PRKCE: variants seen among roughly 807,000 people sequenced by gnomAD.
PRKCE encodes the protein protein kinase C epsilon.
In PRKCE, 16 loss-of-function variants were observed where a neutral mutation model predicts 85.4. The observed-to-expected ratio is 0.19, with a 90% CI of 0.13 to 0.28. PRKCE has a LOEUF of 0.28. PRKCE is among the 10% of genes least tolerant of loss of function. The pLI, the probability that PRKCE is intolerant of heterozygous loss-of-function variation, is 1.00. For synonymous variants in PRKCE, 388 were observed against 371.5 expected, an observed-to-expected ratio of 1.04 and a Z score of -0.51; for missense variants, 573 against 975.2, an observed-to-expected ratio of 0.59 and a Z score of 5.49.
At chr2:46,061,868 T>C (rs1188453738) in intron 10 of PRKCE, among the ~76,000 whole-genome samples, 2 of 145,990 alleles carry the variant, frequency 1.4e-5, no homozygotes, top group East Asian at 1.9e-4. Context: ...TCTTTTTTTT[T>C]TTTTTTTTTG....
At chr2:45,967,242 A>G (rs1701792897) in intron 2 of PRKCE, among the ~76,000 whole-genome samples, 1 of 152,320 alleles carries the variant, frequency 6.6e-6, no homozygotes, top group Non-Finnish European at 1.5e-5. Flanking sequence ...TGCCATGGTC[A>G]TAGGAGGAGA....
In PRKCE at chr2:45,787,099, A is replaced by G. The variant is rs549564949; in HGVS notation, c.349-55901A>G. On this transcript the variant is annotated intron_variant, in intron 1 of 14. Transcript: ENST00000306156. The stretch of plus-strand genomic sequence containing the variant: ...TGCTGGTGGATGTGGGAAAATCTAC[A>G]CTTGGCCATTTGGAAGTGAGGTGTC... Among the ~76,000 whole-genome samples the G allele has an allele frequency of 1.4e-4, 22 of 152,234 alleles. No individual in the cohort carries two copies. The East Asian group carries it at 4.3e-3, about 29-fold the overall frequency.
At chr2:45,929,436 C>A (rs1558846926) in intron 2 of PRKCE, among the ~76,000 whole-genome samples, 1 of 152,084 alleles carries the variant, frequency 6.6e-6, no homozygotes, top group Non-Finnish European at 1.5e-5. Context: ...TCCCATTTAT[C>A]CCCCCACGGG....
intron 11 of PRKCE, among the ~76,000 whole-genome samples, chr2:46,111,137 C>T (rs570871041): frequency 6.6e-6 from 1 of 152,210 alleles, no homozygotes; most frequent in South Asian, 2.1e-4. Flanking sequence ...TACATGCAAG[C>T]TTGAGAAGAA....
rs1218218899 is a variant in PRKCE, at chr2:46,159,095, G to T, written c.1921-511G>T. Among the ~76,000 whole-genome samples, 1 of 152,204 alleles carries T rather than the reference G, an allele frequency of 6.6e-6. No individual in the cohort carries two copies. The highest frequency in any genetic ancestry group is 2.4e-5 in the African/African-American group (1 of 41,448). On this transcript the variant is annotated intron_variant, in intron 13 of 14. Coordinates refer to ENST00000306156, the MANE Select transcript of PRKCE (RefSeq NM_005400.3). The surrounding 1 kb of genome is among the most constrained non-coding windows in gnomAD (Gnocchi z 4.1). Reference sequence around the variant, plus strand: ...GGCTGGGTCCAGGAACAGGAAAGGAGCTGGAGGAGGCATTAGTACATTTGA... The same window carrying T: ...GGCTGGGTCCAGGAACAGGAAAGGATCTGGAGGAGGCATTAGTACATTTGA...
chr2:45,992,261 G>A (rs529822703), intron 6 of PRKCE, among the ~76,000 whole-genome samples: 3 of 152,276 alleles, frequency 2.0e-5, no homozygotes, highest in Middle Eastern at 3.4e-3. Context: ...CCCTGTACAC[G>A]TGGCAGATTG....
At chr2:45,962,559 A>G (rs1172572399) in intron 2 of PRKCE, among the ~76,000 whole-genome samples, 2 of 152,180 alleles carry the variant, frequency 1.3e-5, no homozygotes, top group African/African-American at 4.8e-5. Context: ...GCAGCTCAGC[A>G]TTTAGCTGAT....
intron 1 of PRKCE, among the ~76,000 whole-genome samples, chr2:45,806,717 C>T (rs980602976): frequency 2.0e-5 from 3 of 152,100 alleles, no homozygotes; most frequent in South Asian, 2.1e-4. Context: ...TCACTTAGGT[C>T]GCTGGATTCT....
intron 1 of PRKCE, among the ~76,000 whole-genome samples, chr2:45,704,937 G>A (rs1678984487): frequency 6.6e-6 from 1 of 152,192 alleles, no homozygotes; most frequent in East Asian, 1.9e-4. Flanking sequence ...GTAATTCTCA[G>A]CCCCTTTCCT....
intron 2 of PRKCE, among the ~76,000 whole-genome samples, chr2:45,906,443 A>C (rs922498192): frequency 2.0e-5 from 3 of 152,230 alleles, no homozygotes; most frequent in African/African-American, 7.2e-5. Context: ...CTAAAGCAAA[A>C]ACGGAACACC....
chr2:45,919,575 T>G (rs1698098146), intron 2 of PRKCE, among the ~76,000 whole-genome samples: 1 of 152,240 alleles, frequency 6.6e-6, no homozygotes, highest in Non-Finnish European at 1.5e-5. Flanking sequence ...CTGTGCTGTT[T>G]GGCTCACATT....
chr2:45,923,689 C>T (rs1169327914), intron 2 of PRKCE, among the ~76,000 whole-genome samples: 1 of 152,140 alleles, frequency 6.6e-6, no homozygotes, highest in Non-Finnish European at 1.5e-5. Context: ...TTGTGCAGCA[C>T]AGACTTTGTG....
chr2:46,100,173 G>A (rs547851644), intron 11 of PRKCE, among the ~76,000 whole-genome samples: 21 of 152,280 alleles, frequency 1.4e-4, no homozygotes, highest in African/African-American at 3.6e-4. Context: ...ACCTCAGTGA[G>A]GCTCCAGAAG....
At chr2:46,072,155 G>A (rs1243296687) in intron 10 of PRKCE, among the ~76,000 whole-genome samples, 4 of 152,176 alleles carry the variant, frequency 2.6e-5, no homozygotes, top group South Asian at 2.1e-4. Flanking sequence ...ACCCTTTCAC[G>A]CTTTATCTGT....
chr2:45,728,878 G>T (rs900829287), intron 1 of PRKCE, among the ~76,000 whole-genome samples: 1 of 152,188 alleles, frequency 6.6e-6, no homozygotes, highest in Non-Finnish European at 1.5e-5. Flanking sequence ...TTAGAGTTGG[G>T]TGTTGGAGCT....
chr2:45,997,174 T>C (rs2104696712), intron 6 of PRKCE, among the ~76,000 whole-genome samples: 1 of 152,294 alleles, frequency 6.6e-6, no homozygotes, highest in African/African-American at 2.4e-5. Context: ...TCATTTCTGA[T>C]ATTAATAATT....
In PRKCE at chr2:45,907,457, C is replaced by T. The variant is rs972421064; in HGVS notation, c.412+64394C>T. Among the ~76,000 whole-genome samples, 6 of 152,190 alleles carry T rather than the reference C, an allele frequency of 3.9e-5. No individual in the cohort carries two copies. The highest frequency in any genetic ancestry group is 6.5e-5 in the Admixed American group (1 of 15,290). ...AACACTCCTGTGAACAAAACCAAGA[C>T]GAGTTTTGTCCCTGCCACAGAGGTA... On this transcript the variant is annotated intron_variant, in intron 2 of 14. Transcript: ENST00000306156. The surrounding 1 kb of genome is among the most constrained non-coding windows in gnomAD (Gnocchi z 4.5).
At chr2:46,142,126 C>T (rs1051732195) in intron 11 of PRKCE, among the ~76,000 whole-genome samples, 1 of 152,080 alleles carries the variant, frequency 6.6e-6, no homozygotes, top group Non-Finnish European at 1.5e-5. Flanking sequence ...TAGGGAAGGA[C>T]TAGCTCTTTC....
In PRKCE at chr2:46,177,564, A is replaced by C. The variant is rs188520261; in HGVS notation, c.2068-7171A>C. ...GTCCCTGTGTCTCTTCCCTCTGTGCATGTCTGTCTCTGTGTCCAATTTCCC... is the reference window on the plus strand; with the variant it reads ...GTCCCTGTGTCTCTTCCCTCTGTGCCTGTCTGTCTCTGTGTCCAATTTCCC... On this transcript the variant is annotated intron_variant, in intron 14 of 14. Coordinates refer to ENST00000306156, the MANE Select transcript of PRKCE (RefSeq NM_005400.3). 5.1e-4 allele frequency among the ~76,000 whole-genome samples: 77 copies of C among 152,202 alleles called. 3 individuals carry two copies. The highest frequency in any genetic ancestry group is 6.8e-3 in the Middle Eastern group (2 of 294).
Sources: allele counts gnomAD v4.1 joint callset (sites outside exome capture counted in the v4.1 genomes callset), GRCh38; gene constraint gnomAD v4.1.1; non-coding constraint Gnocchi (gnomAD v3.1); transcripts MANE v1.5; gene names NCBI Gene and HGNC (gene_info 2026-07-23, HGNC 2026-07-21).